Variants in PHACTR1 observed in about 807,000 individuals in gnomAD.
PHACTR1 encodes phosphatase and actin regulator 1, also known as RPEL repeat containing 1.
Under a neutral mutation model 69.2 loss-of-function variants are expected in PHACTR1, and 16 were observed. That is an observed-to-expected ratio of 0.23 (90% CI 0.16 to 0.35). The LOEUF (loss-of-function observed/expected upper bound fraction) is 0.35. PHACTR1 is among the 10% of genes least tolerant of loss of function. The probability of loss-of-function intolerance (pLI) is 1.00; values close to 1 mark genes in which losing one functional copy is unlikely to be tolerated. For missense variants in PHACTR1, 510 were observed against 734.7 expected, an observed-to-expected ratio of 0.69 and a Z score of 3.54; for synonymous variants, 312 against 284.5, an observed-to-expected ratio of 1.10 and a Z score of -0.97.
At chr6:13,101,465 A>G (rs1161061249) in intron 5 of PHACTR1, among the ~76,000 whole-genome samples, 2 of 152,202 alleles carry the variant, frequency 1.3e-5, no homozygotes, top group Non-Finnish European at 2.9e-5. Context: ...TGGTCTGACC[A>G]CACCGAGTAC....
At chr6:12,845,148 T>A (rs1341575966) in intron 4 of PHACTR1, among the ~76,000 whole-genome samples, 1 of 152,178 alleles carries the variant, frequency 6.6e-6, no homozygotes, top group African/African-American at 2.4e-5. Context: ...ATTGTGGGTT[T>A]TTAAAAAATT....
intron 5 of PHACTR1, among the ~76,000 whole-genome samples, chr6:13,123,135 A>G (rs970912959): frequency 1.3e-5 from 2 of 152,234 alleles, no homozygotes; most frequent in African/African-American, 4.8e-5. Flanking sequence ...CTTGGATATG[A>G]AGATAAACAT....
At chr6:12,843,846 A>G (rs1398156049) in intron 4 of PHACTR1, among the ~76,000 whole-genome samples, 1 of 152,214 alleles carries the variant, frequency 6.6e-6, no homozygotes, top group Non-Finnish European at 1.5e-5. Flanking sequence ...TCAAGTCTGT[A>G]TTAATATTTG....
At chr6:12,890,094 T>A (rs1018133330) in intron 4 of PHACTR1, among the ~76,000 whole-genome samples, 18 of 151,028 alleles carry the variant, frequency 1.2e-4, no homozygotes, top group African/African-American at 4.4e-4. Context: ...GAGCTCCATC[T>A]CCTACCAAAT....
At chr6:12,974,704 T>A (rs115427418) in intron 4 of PHACTR1, among the ~76,000 whole-genome samples, 16 of 152,198 alleles carry the variant, frequency 1.1e-4, no homozygotes, top group African/African-American at 3.9e-4. Flanking sequence ...ACAGGAAGTA[T>A]GTGCTGGGTC....
intron 4 of PHACTR1, among the ~76,000 whole-genome samples, chr6:12,985,549 T>A (rs1796071781): frequency 6.8e-6 from 1 of 146,396 alleles, no homozygotes; most frequent in Admixed American, 6.8e-5. Context: ...AAAATATATA[T>A]ATATATATAT....
At chr6:13,012,141 T>C (rs761806887) in intron 4 of PHACTR1, among the ~76,000 whole-genome samples, 3 of 152,268 alleles carry the variant, frequency 2.0e-5, no homozygotes, top group Non-Finnish European at 4.4e-5. Flanking sequence ...GACACCTGAC[T>C]TTCCTAACTC....
chr6:12,916,086 G>T (rs189111582), intron 4 of PHACTR1, among the ~76,000 whole-genome samples: 18 of 152,246 alleles, frequency 1.2e-4, no homozygotes, highest in African/African-American at 4.3e-4. Context: ...TAATACATTG[G>T]TATCTCTGCC....
At chr6:13,269,133 T>C (rs533692137) in intron 10 of PHACTR1, among the ~76,000 whole-genome samples, 1 of 58,544 alleles carries the variant, frequency 1.7e-5, no homozygotes, top group African/African-American at 3.9e-5. Flanking sequence ...TGGCCTGATC[T>C]CCAAATGTAG....
intron 5 of PHACTR1, among the ~76,000 whole-genome samples, chr6:13,129,823 A>G (rs1820128956): frequency 6.6e-6 from 1 of 151,612 alleles, no homozygotes; most frequent in African/African-American, 2.4e-5. Flanking sequence ...AGATATTTAC[A>G]GAACATTCTA....
chr6:13,057,181 G>A (rs968135606), intron 5 of PHACTR1, among the ~76,000 whole-genome samples: 1 of 152,128 alleles, frequency 6.6e-6, no homozygotes, highest in East Asian at 1.9e-4. Context: ...TGTTTGAGAT[G>A]ATGGATATTC....
chr6:12,729,337 C>G (rs1763188340), intron 3 of PHACTR1, among the ~76,000 whole-genome samples: 1 of 152,206 alleles, frequency 6.6e-6, no homozygotes, highest in African/African-American at 2.4e-5. Flanking sequence ...AGAGCAAACT[C>G]TACAGTTTAT....
intron 4 of PHACTR1, among the ~76,000 whole-genome samples, chr6:12,923,296 A>C (rs1222803855): frequency 6.6e-6 from 1 of 152,220 alleles, no homozygotes; most frequent in East Asian, 1.9e-4. Context: ...ATAAATAGTA[A>C]AAAAGATGTA....
At chr6:13,148,003 A>G (rs1398341045) in intron 5 of PHACTR1, among the ~76,000 whole-genome samples, 2 of 152,002 alleles carry the variant, frequency 1.3e-5, no homozygotes, top group Non-Finnish European at 2.9e-5. Flanking sequence ...TTTTATTGTA[A>G]TCATAGCCTT....
intron 4 of PHACTR1, among the ~76,000 whole-genome samples, chr6:12,794,578 G>A (rs1772737179): frequency 6.6e-6 from 1 of 152,216 alleles, no homozygotes; most frequent in Non-Finnish European, 1.5e-5. Context: ...ATTTTACTTA[G>A]CCTGATATAT....
intron 4 of PHACTR1, among the ~76,000 whole-genome samples, chr6:12,973,487 G>T (rs1472064164): frequency 6.6e-6 from 1 of 152,206 alleles, no homozygotes; most frequent in African/African-American, 2.4e-5. Context: ...ATGTGGAAAT[G>T]TGGACAAATG....
chr6:12,844,887 T>G lies in PHACTR1; in HGVS notation c.250+95097T>G, dbSNP rs192058486. Among the ~76,000 whole-genome samples the G allele has an allele frequency of 2.6e-5, 4 of 152,256 alleles. No individual in the cohort carries two copies. The East Asian group carries it at 7.7e-4, about 29-fold the overall frequency. ...AGAAGAAAAACCTGTCCCCTCTGCT[T>G]AGCCCTCTAGTGGTGGGAACAAATA... On this transcript the variant is annotated intron_variant, in intron 4 of 14. Transcript: ENST00000332995.
At chr6:12,748,597 G>A (rs1327792091) in intron 3 of PHACTR1, among the ~76,000 whole-genome samples, 1 of 152,128 alleles carries the variant, frequency 6.6e-6, no homozygotes, top group African/African-American at 2.4e-5. Context: ...ACCTTTCTAG[G>A]TTCTTCTGCT....
chr6:13,012,719 T>C (rs186406696), intron 4 of PHACTR1, among the ~76,000 whole-genome samples: 84 of 152,372 alleles, frequency 5.5e-4, no homozygotes, highest in Middle Eastern at 3.4e-3. Flanking sequence ...GATTGTGATA[T>C]AGGGCTTCTC....
Sources: allele counts gnomAD v4.1 joint callset (sites outside exome capture counted in the v4.1 genomes callset), GRCh38; gene constraint gnomAD v4.1.1; transcripts MANE v1.5; gene names NCBI Gene and HGNC (gene_info 2026-07-23, HGNC 2026-07-21).